The following GAB1 variants were observed in gnomAD, a reference collection of about 807,000 sequenced individuals.
The protein encoded by GAB1 is GRB2-associated-binding protein 1.
Under a neutral mutation model 66.5 loss-of-function variants are expected in GAB1, and 19 were observed. The observed-to-expected ratio is 0.29, with a 90% CI of 0.20 to 0.42. The LOEUF is 0.42. Among genes scored for constraint, GAB1 ranks in the 10% least tolerant of loss-of-function variants. The probability of loss-of-function intolerance (pLI) is 1.00; values close to 1 mark genes in which losing one functional copy is unlikely to be tolerated. For synonymous variants in GAB1, 294 were observed against 301.4 expected, an observed-to-expected ratio of 0.98 and a Z score of 0.25; for missense variants, 732 against 858.5, an observed-to-expected ratio of 0.85 and a Z score of 1.84.
intron 1 of GAB1, among the ~76,000 whole-genome samples, chr4:143,365,584 C>T (rs1729851866): frequency 6.6e-6 from 1 of 152,136 alleles, no homozygotes; most frequent in Non-Finnish European, 1.5e-5. Context: ...CTGTGTATCC[C>T]CCAATCTCTG....
At chr4:143,468,754 T>A (rs1735930543) in intron 9 of GAB1, among the ~76,000 whole-genome samples, 1 of 151,598 alleles carries the variant, frequency 6.6e-6, no homozygotes, top group Non-Finnish European at 1.5e-5. Flanking sequence ...TGAAACCACA[T>A]CTCTACTAAA....
intron 1 of GAB1, among the ~76,000 whole-genome samples, chr4:143,360,847 A>G (rs1560718324): frequency 6.6e-6 from 1 of 152,254 alleles, no homozygotes; most frequent in Non-Finnish European, 1.5e-5. Context: ...TTTATTGACT[A>G]GGGGAAATCA....
In GAB1 at chr4:143,469,258, A is replaced by G. The variant is rs1318627115; in HGVS notation, c.*69A>G. On this transcript the variant is annotated 3_prime_UTR_variant, in exon 10 of 10. Coordinates refer to ENST00000262994, the MANE Select transcript of GAB1 (RefSeq NM_002039.4). ...AAAGATAAATCCCTTTTGAAGAATG[A>G]CTTGACACTTCCACTCTAGGTAGAT... The G allele has an allele frequency of 6.7e-7, 1 of 1,486,628 alleles. No homozygotes were observed. The highest frequency in any genetic ancestry group is 1.9e-5 in the Admixed American group (1 of 53,916). 92.1% of individuals were successfully genotyped at this position (1,486,628 alleles called of 1,614,324 possible).
intron 8 of GAB1, 67 bp downstream of exon 8, chr4:143,460,554 T>G: frequency 6.9e-7 from 1 of 1,441,204 alleles, no homozygotes; most frequent in Non-Finnish European, 9.5e-7. Context: ...AGAACTGTTC[T>G]GTCTATAAAT....
At chr4:143,391,920 C>T (rs1249380555) in intron 1 of GAB1, among the ~76,000 whole-genome samples, 1 of 152,132 alleles carries the variant, frequency 6.6e-6, no homozygotes, top group African/African-American at 2.4e-5. Context: ...ATATGAATTA[C>T]CTCCTTACGT....
chr4:143,463,861 A>G (rs1242682753), intron 8 of GAB1, among the ~76,000 whole-genome samples: 1 of 152,202 alleles, frequency 6.6e-6, no homozygotes, highest in African/African-American at 2.4e-5. Context: ...TCTAGTAATA[A>G]CAGACATAAA....
At chr4:143,385,118 G>A (rs185259897) in intron 1 of GAB1, among the ~76,000 whole-genome samples, 1 of 152,284 alleles carries the variant, frequency 6.6e-6, no homozygotes, top group Non-Finnish European at 1.5e-5. Context: ...CTTAGGAGCA[G>A]TATCACTTTG....
In GAB1 at chr4:143,460,371, A is replaced by T; in HGVS notation, c.1687A>T (p.Arg563Trp). 6.2e-7 allele frequency: 1 copy of T among 1,613,636 alleles called. No homozygotes were observed. The highest frequency in any genetic ancestry group is 1.1e-5 in the South Asian group (1 of 91,058). The change falls in exon 8 of 10, where the codon AGG (arginine) becomes TGG (tryptophan). Residue 563 changes from arginine to tryptophan, a missense_variant. By Grantham distance (101) the Arg-to-Trp change is moderately radical. Transcript: ENST00000262994. ...ITRSFARDSS[R>W]FPMSPRPDSV... ...GATAATTTCTGTAATTAGCTCTTCC[A>T]GGTTTCCCATGTCCCCCCGACCAGA...
chr4:143,373,117 A>G (rs1387933440), intron 1 of GAB1, among the ~76,000 whole-genome samples: 2 of 152,136 alleles, frequency 1.3e-5, no homozygotes, highest in Admixed American at 6.5e-5. Flanking sequence ...GCTAGGCTGT[A>G]AAGCCAGGTC....
At chr4:143,394,198 C>T (rs766164432) in intron 1 of GAB1, among the ~76,000 whole-genome samples, 1 of 152,108 alleles carries the variant, frequency 6.6e-6, no homozygotes, top group African/African-American at 2.4e-5. Flanking sequence ...CACTTGAACC[C>T]GGGAGGTGGA....
intron 7 of GAB1, 117 bp downstream of exon 7, chr4:143,459,595 C>A (rs1735378238): frequency 1.4e-6 from 1 of 709,046 alleles, no homozygotes; most frequent in Admixed American, 2.4e-5. Context: ...GAAGAGCCCC[C>A]TTTTTGGGGG....
In GAB1 at chr4:143,456,508, G is replaced by A. The variant is rs149898437; in HGVS notation, c.1586-2877G>A. ...CCTTTGCTTTAGAAAAGGGTCCTGC[G>A]GGTATGGGCCCTGGATTAGGGAATT... is the stretch of plus-strand genomic sequence containing the variant. On this transcript the variant is annotated intron_variant, in intron 6 of 9. Coordinates refer to ENST00000262994, the MANE Select transcript of GAB1 (RefSeq NM_002039.4). Among the ~76,000 whole-genome samples the A allele has an allele frequency of 5.6e-3, 846 of 152,056 alleles. 10 individuals are homozygous for A. The highest frequency in any genetic ancestry group is 0.019 in the African/African-American group (793 of 41,454).
intron 1 of GAB1, among the ~76,000 whole-genome samples, chr4:143,409,394 C>CT (rs907397631): frequency 1.3e-5 from 2 of 149,824 alleles, no homozygotes; most frequent in African/African-American, 4.9e-5. Context: ...TTTCCCCCCC[C>CT]CCGCTCTGAA....
chr4:143,438,710 T>C (rs1467478036), intron 4 of GAB1, 110 bp downstream of exon 4: 15 of 1,116,620 alleles, frequency 1.3e-5, no homozygotes, highest in Non-Finnish European at 1.8e-5. Context: ...CAAAATACAG[T>C]CCATTTTTTT....
chr4:143,440,100 G>T lies in GAB1; in HGVS notation c.1303G>T (p.Val435Leu), dbSNP rs1221958347. 6.2e-7 allele frequency: 1 copy of T among 1,613,944 alleles called. No homozygotes were observed. Among genetic ancestry groups the T allele is most frequent in the Admixed American group, 1.7e-5 (1 of 59,996 alleles). The stretch of plus-strand genomic sequence containing the variant: ...TTAGAAAGTCAAAAATGTGTTGACA[G>T]TGGGAAGTGTTTCAAGTGAAGAACT... Reference protein sequence around the residue: ...NHFKVKNVLTVGSVSSEELDE... With the variant: ...NHFKVKNVLTLGSVSSEELDE... The change falls in exon 6 of 10, where the codon GTG (valine) becomes TTG (leucine). Residue 435 changes from valine to leucine, a missense_variant. Transcript: ENST00000262994.
In GAB1 at chr4:143,439,998, A is replaced by G. The variant is rs887568834; in HGVS notation, c.1282-81A>G. 3.0e-5 allele frequency: 43 copies of G among 1,419,884 alleles called. No homozygotes were observed. In the African/African-American group the frequency reaches 4.4e-4, roughly 15 times the overall value. 88.0% of individuals were successfully genotyped at this position (1,419,884 alleles called of 1,614,324 possible). A position where few individuals can be genotyped will look rare whatever the true frequency, so the allele number is the denominator to read the frequency against. The stretch of plus-strand genomic sequence containing the variant: ...GAAATAAAAGTACGCTGAGATCCAT[A>G]TGAATGAGTGTGACTTACAATTGTG... On this transcript the variant is annotated intron_variant, in intron 5 of 9. Transcript: ENST00000262994.
chr4:143,450,157 A>G (rs1734836106), intron 6 of GAB1, among the ~76,000 whole-genome samples: 1 of 152,138 alleles, frequency 6.6e-6, no homozygotes, highest in Non-Finnish European at 1.5e-5. Flanking sequence ...TTTTCCTCTC[A>G]ATATTCTCTT....
intron 6 of GAB1, among the ~76,000 whole-genome samples, chr4:143,445,825 G>A (rs1734485237): frequency 6.6e-6 from 1 of 151,948 alleles, no homozygotes; most frequent in Admixed American, 6.6e-5. Flanking sequence ...TAAGTTTTAG[G>A]GTACATGTGC....
intron 6 of GAB1, among the ~76,000 whole-genome samples, chr4:143,448,817 C>A (rs1167904110): frequency 6.7e-6 from 1 of 150,314 alleles, no homozygotes; most frequent in African/African-American, 2.5e-5. Context: ...TTAGTTATTT[C>A]TTGCCTTCTG....
Sources: allele counts gnomAD v4.1 joint callset (sites outside exome capture counted in the v4.1 genomes callset), GRCh38; gene constraint gnomAD v4.1.1; transcripts MANE v1.5; gene names NCBI Gene and HGNC (gene_info 2026-07-23, HGNC 2026-07-21).